PALLD: variants seen among roughly 807,000 people sequenced by gnomAD.
PALLD encodes palladin.
In PALLD, 61 loss-of-function variants were observed where a neutral mutation model predicts 123.5. That is an observed-to-expected ratio of 0.49 (90% CI 0.40 to 0.61). The LOEUF (loss-of-function observed/expected upper bound fraction) is 0.61, where lower values mean the gene tolerates loss of function less well. PALLD is among the 20% of genes least tolerant of loss of function. The pLI, the probability that PALLD is intolerant of heterozygous loss-of-function variation, is 0.00. For synonymous variants in PALLD, 465 were observed against 496.4 expected (o/e 0.94, Z 0.84); for missense variants, 1,273 against 1,377.0 (o/e 0.92, Z 1.20).
intron 10 of PALLD, among the ~76,000 whole-genome samples, chr4:168,764,191 G>A (rs1437243526): frequency 6.6e-6 from 1 of 151,970 alleles, no homozygotes; most frequent in South Asian, 2.1e-4. Flanking sequence ...ATTCAGAGAC[G>A]AATAAAATGA....
chr4:168,865,867 C>A (rs929900960), intron 10 of PALLD, among the ~76,000 whole-genome samples: 2 of 151,938 alleles, frequency 1.3e-5, no homozygotes, highest in South Asian at 2.1e-4. Context: ...AAAGAAAGAC[C>A]GAGAATGATT....
chr4:168,516,839 G>C (rs959762547), intron 2 of PALLD, among the ~76,000 whole-genome samples: 3 of 152,202 alleles, frequency 2.0e-5, no homozygotes, highest in East Asian at 1.9e-4. Flanking sequence ...GCAATTTCCA[G>C]TATCTTTCTC....
At chr4:168,714,190 T>C (rs1028215231) in intron 10 of PALLD, among the ~76,000 whole-genome samples, 2 of 152,152 alleles carry the variant, frequency 1.3e-5, no homozygotes, top group African/African-American at 4.8e-5. Flanking sequence ...ACACAGAGGC[T>C]ATTAAAGTTT....
chr4:168,504,593 CAAA>C (rs60824764), intron 1 of PALLD, among the ~76,000 whole-genome samples: 55,803 of 136,448 alleles, frequency 0.41, 11,215 homozygotes, highest in East Asian at 0.61. Flanking sequence ...GACTCCAACT[CAAA>C]AAAAAAAAAA....
chr4:168,883,632 T>A (rs920460475), intron 10 of PALLD, among the ~76,000 whole-genome samples: 2 of 152,224 alleles, frequency 1.3e-5, no homozygotes, highest in African/African-American at 2.4e-5. Context: ...TCTTGGGATT[T>A]GGTGGTGATT....
chr4:168,704,975 CTT>C (rs1030581549), intron 8 of PALLD, among the ~76,000 whole-genome samples: 5 of 152,060 alleles, frequency 3.3e-5, no homozygotes, highest in African/African-American at 1.2e-4. Context: ...TTGAAATAAA[CTT>C]TTAATTTTTA....
intron 10 of PALLD, among the ~76,000 whole-genome samples, chr4:168,875,801 T>C (rs1751671809): frequency 6.6e-6 from 1 of 152,210 alleles, no homozygotes; most frequent in African/African-American, 2.4e-5. Context: ...TGAGAACCAA[T>C]ATAGTCCTGG....
chr4:168,531,526 C>T (rs1203316655), intron 2 of PALLD, among the ~76,000 whole-genome samples: 6 of 152,158 alleles, frequency 3.9e-5, no homozygotes. Context: ...ACACTGGACA[C>T]TGAGTGATAC....
chr4:168,801,899 G>C (rs932542913), intron 10 of PALLD, among the ~76,000 whole-genome samples: 1 of 152,188 alleles, frequency 6.6e-6, no homozygotes, highest in African/African-American at 2.4e-5. Flanking sequence ...GAGTGGCATA[G>C]GTAACAACTA....
chr4:168,863,057 A>G (rs1467646796), intron 10 of PALLD, among the ~76,000 whole-genome samples: 1 of 152,190 alleles, frequency 6.6e-6, no homozygotes, highest in South Asian at 2.1e-4. Flanking sequence ...AATAATGACT[A>G]TCGCTTTGAA....
Position 168,531,179 on chromosome 4 carries a change from T to C in PALLD, c.908+18767T>C, listed in dbSNP as rs549958029. On this transcript the variant is annotated intron_variant, in intron 2 of 21. Coordinates refer to ENST00000505667, the MANE Select transcript of PALLD (RefSeq NM_001166108.2). The stretch of plus-strand genomic sequence containing the variant: ...GTGAATATATATAATTGTGGGACCA[T>C]GTGGTGATTTTTTCCCCTTTTTCTA... Among the ~76,000 whole-genome samples the C allele has an allele frequency of 5.9e-4, 90 of 152,336 alleles. 1 individual carries two copies. The highest frequency in any genetic ancestry group is 2.0e-3 in the African/African-American group (82 of 41,574).
intron 10 of PALLD, among the ~76,000 whole-genome samples, chr4:168,793,089 T>G (rs1737771943): frequency 6.6e-6 from 1 of 151,096 alleles, no homozygotes; most frequent in African/African-American, 2.4e-5. Flanking sequence ...GTATGTAATT[T>G]ACAAGTAAAT....
chr4:168,801,535 C>G (rs189473415), intron 10 of PALLD, among the ~76,000 whole-genome samples: 7 of 152,322 alleles, frequency 4.6e-5, no homozygotes, highest in African/African-American at 1.7e-4. Flanking sequence ...GCCTCGGCCT[C>G]CCAAAGTGCT....
rs535386419 is a variant in PALLD, at chr4:168,506,674, T to C, written c.-82-4749T>C. ...ACAAACCTCACCAGAGTCTATACTT[T>C]TGTTCAACTACTACCTTCTGTCTCT... On this transcript the variant is annotated intron_variant, in intron 1 of 21. Transcript: ENST00000505667. Among the ~76,000 whole-genome samples, 4 of 152,322 alleles carry C rather than the reference T, an allele frequency of 2.6e-5. No homozygotes were observed. The East Asian group carries it at 7.7e-4, about 29-fold the overall frequency.
At chr4:168,670,461 C>A (rs558654310) in intron 3 of PALLD, among the ~76,000 whole-genome samples, 1 of 151,740 alleles carries the variant, frequency 6.6e-6, no homozygotes, top group African/African-American at 2.4e-5. Context: ...GGGCCGGGCG[C>A]GGTGGCTCAC....
At chr4:168,897,162 T>C (rs1165928989) in intron 13 of PALLD, among the ~76,000 whole-genome samples, 1 of 152,142 alleles carries the variant, frequency 6.6e-6, no homozygotes, top group African/African-American at 2.4e-5. Context: ...CATTAGTGGA[T>C]ACTCTGAACA....
chr4:168,777,296 G>A (rs1337026792), intron 10 of PALLD, among the ~76,000 whole-genome samples: 1 of 152,222 alleles, frequency 6.6e-6, no homozygotes, highest in Non-Finnish European at 1.5e-5. Flanking sequence ...AAGCACTGCT[G>A]CAGTTATGGC....
At chr4:168,824,859 ACACC>A (rs957225706) in intron 10 of PALLD, among the ~76,000 whole-genome samples, 2 of 145,010 alleles carry the variant, frequency 1.4e-5, no homozygotes, top group Non-Finnish European at 3.0e-5. Flanking sequence ...TATCACTCTG[ACACC>A]CAGGCTGGAG....
chr4:168,686,315 G>A (rs946638336), intron 6 of PALLD, among the ~76,000 whole-genome samples: 7 of 151,884 alleles, frequency 4.6e-5, no homozygotes, highest in Admixed American at 6.6e-5. Context: ...CTATCAACCC[G>A]TCATCTAGGT....
Sources: allele counts gnomAD v4.1 joint callset (sites outside exome capture counted in the v4.1 genomes callset), GRCh38; gene constraint gnomAD v4.1.1; transcripts MANE v1.5; gene names NCBI Gene and HGNC (gene_info 2026-07-23, HGNC 2026-07-21).